The following PER3 variants were observed in gnomAD, a reference collection of about 807,000 sequenced individuals.
PER3 encodes period circadian regulator 3, also known as period circadian protein homolog 3.
PER3 carries 107 observed loss-of-function variants against 127.2 expected under a neutral mutation model. That is an observed-to-expected ratio of 0.84 (90% CI 0.72 to 0.99). The LOEUF is 0.99. Ranked by LOEUF, PER3 falls within the 50% of genes least tolerant of loss-of-function variation. The probability of loss-of-function intolerance (pLI) is 0.00; values close to 1 mark genes in which losing one functional copy is unlikely to be tolerated. For synonymous variants in PER3, 618 were observed against 585.8 expected (o/e 1.05, Z -0.79); for missense variants, 1,560 against 1,525.8 (o/e 1.02, Z -0.37).
intron 3 of PER3, among the ~76,000 whole-genome samples, chr1:7,785,893 A>G (rs944171669): frequency 5.3e-5 from 8 of 152,226 alleles, no homozygotes; most frequent in African/African-American, 1.9e-4. Context: ...ATTGTCTTCT[A>G]TGGAAGTTAT....
intron 13 of PER3, among the ~76,000 whole-genome samples, chr1:7,812,973 G>C (rs1451622104): frequency 2.0e-5 from 3 of 152,178 alleles, no homozygotes; most frequent in African/African-American, 4.8e-5. Context: ...CCAATGAAAA[G>C]GAAAATGCTT....
chr1:7,801,355 T>G (rs2097170015), intron 8 of PER3, among the ~76,000 whole-genome samples, 164 bp downstream of exon 8: 1 of 152,272 alleles, frequency 6.6e-6, no homozygotes, highest in Non-Finnish European at 1.5e-5. Context: ...AAATTTTTAA[T>G]ATAAATATTT....
intron 6 of PER3, among the ~76,000 whole-genome samples, chr1:7,796,862 G>T (rs1362547903): frequency 6.6e-6 from 1 of 152,136 alleles, no homozygotes; most frequent in Non-Finnish European, 1.5e-5. Context: ...TTTATTAATG[G>T]GTTATATTTG....
chr1:7,806,810 A>ATATATATATATATATAT (rs60458932), intron 10 of PER3, among the ~76,000 whole-genome samples: 11 of 75,246 alleles, frequency 1.5e-4, no homozygotes, highest in African/African-American at 3.1e-4. Flanking sequence ...AAAAAAAAAA[A>ATATATATATATATATAT]AAATATATAT....
intron 16 of PER3, among the ~76,000 whole-genome samples, chr1:7,824,625 A>G (rs1041018948): frequency 1.3e-5 from 2 of 152,188 alleles, no homozygotes; most frequent in African/African-American, 2.4e-5. Context: ...TTGTATTCCT[A>G]TAAATATTCT....
chr1:7,797,200 A>G (rs201849774), intron 6 of PER3, among the ~76,000 whole-genome samples: 2 of 32,766 alleles, frequency 6.1e-5, no homozygotes, highest in Non-Finnish European at 9.6e-5. Flanking sequence ...GTGAGCATGG[A>G]TGTGAGCATG....
chr1:7,812,837 A>G (rs1018649045), intron 13 of PER3, among the ~76,000 whole-genome samples: 7 of 152,154 alleles, frequency 4.6e-5, no homozygotes, highest in African/African-American at 9.7e-5. Flanking sequence ...TCTTGATTTT[A>G]TTAACATTTG....
chr1:7,803,226 A>G (rs1001128925), intron 9 of PER3, 73 bp downstream of exon 9: 65 of 913,914 alleles, frequency 7.1e-5, no homozygotes, highest in Non-Finnish European at 1.2e-4. Context: ...TTTTCATCTC[A>G]TTAGAGCGCA....
chr1:7,825,042 C>A (rs939760209), intron 16 of PER3, among the ~76,000 whole-genome samples: 3 of 144,944 alleles, frequency 2.1e-5, no homozygotes, highest in African/African-American at 7.6e-5. Context: ...TATATTTTGG[C>A]TTTTTTTTTT....
At chr1:7,805,511 C>T (rs1051282075) in intron 10 of PER3, among the ~76,000 whole-genome samples, 3 of 152,066 alleles carry the variant, frequency 2.0e-5, no homozygotes, top group South Asian at 2.1e-4. Flanking sequence ...GAAATGGGCT[C>T]CTGGCCGCCC....
rs1021327356 is a variant in PER3 at position 7,811,100 on chromosome 1, T to C, written c.1522+512T>C. ...TGGATCAGTAGTAAAACTGGCATCA[T>C]ATTGAAAAGTTAACCTAGTTGCATT... is the stretch of plus-strand genomic sequence containing the variant. On this transcript the variant is annotated intron_variant, in intron 13 of 21. Transcript: ENST00000377532. Among the ~76,000 whole-genome samples, 64 of 152,226 alleles carry C rather than the reference T, an allele frequency of 4.2e-4. 1 individual carries two copies. Among genetic ancestry groups the C allele is most frequent in the Non-Finnish European group, 6.0e-4 (41 of 68,036 alleles).
chr1:7,842,499 CAAA>C (rs373923215), intron 21 of PER3, 170 bp from the exon 22 acceptor site: 1 of 352,332 alleles, frequency 2.8e-6, no homozygotes, highest in Non-Finnish European at 3.9e-6. Context: ...GACTCTGTCT[CAAA>C]AAAAAAAATA....
At chr1:7,797,789 A>G (rs2097152651) in intron 6 of PER3, among the ~76,000 whole-genome samples, 1 of 152,094 alleles carries the variant, frequency 6.6e-6, no homozygotes, top group African/African-American at 2.4e-5. Context: ...GGGGAGTGTG[A>G]ATTCAGTCTT....
rs1558500742 is a variant in PER3, at chr1:7,845,109, T to A, written c.*2354T>A. On this transcript the variant is annotated 3_prime_UTR_variant, in exon 22 of 22. Transcript: ENST00000377532. ...TAACTCTGAATTTGTTTTTAATCAT[T>A]AGTAATATTTCAGTTGGGTATCTTT... The A allele has an allele frequency of 6.6e-6, 1 of 152,402 alleles. No individual in the cohort carries two copies. Among genetic ancestry groups the A allele is most frequent in the Admixed American group, 6.5e-5 (1 of 15,294 alleles). The allele number at this position is 152,402 out of a possible 1,614,324, so 9.4% of individuals were successfully genotyped here.
chr1:7,785,903 TG>T (rs1421482020), intron 3 of PER3, among the ~76,000 whole-genome samples: 1 of 152,184 alleles, frequency 6.6e-6, no homozygotes, highest in Non-Finnish European at 1.5e-5. Flanking sequence ...ATGGAAGTTA[TG>T]GGAAAAAAAT....
At chr1:7,797,364 G>A (rs1162364982) in intron 6 of PER3, among the ~76,000 whole-genome samples, 1 of 152,232 alleles carries the variant, frequency 6.6e-6, no homozygotes. Flanking sequence ...GCTGGGCGCA[G>A]TGGCTCACGC....
At chr1:7,810,999 A>T (rs903208876) in intron 13 of PER3, among the ~76,000 whole-genome samples, 5 of 152,220 alleles carry the variant, frequency 3.3e-5, no homozygotes, top group African/African-American at 4.8e-5. Context: ...ACCTAAATTC[A>T]GTGAAAAACT....
chr1:7,813,968 G>T (rs1480476211), intron 13 of PER3, among the ~76,000 whole-genome samples: 1 of 152,192 alleles, frequency 6.6e-6, no homozygotes, highest in Non-Finnish European at 1.5e-5. Context: ...GCAGGACCGG[G>T]TGGGTAATCA....
chr1:7,826,968 TTTG>T lies in PER3; in HGVS notation c.2189-147_2189-145del. On this transcript the variant is annotated intron_variant, in intron 17 of 21. Transcript: ENST00000377532. This position sits in a 1 kb window ranked among gnomAD's most constrained non-coding sequence, Gnocchi z 4.2. The stretch of plus-strand genomic sequence containing the variant: ...GATAGCAACTATTTTTATCCGGAAT[TTTG>T]TTCATCTTTTTAGAGCCACTTTTTG... 1 of 655,938 alleles carries T rather than the reference TTTG, an allele frequency of 1.5e-6. No homozygotes were observed. Among genetic ancestry groups the T allele is most frequent in the South Asian group, 2.1e-5 (1 of 48,382 alleles). 40.6% of individuals were successfully genotyped at this position (655,938 alleles called of 1,614,324 possible). A position where few individuals can be genotyped will look rare whatever the true frequency, so the allele number is the denominator to read the frequency against.
Sources: gnomAD v4.1 joint callset for allele counts (sites outside exome capture counted in the v4.1 genomes callset) on GRCh38, gnomAD v4.1.1 for gene constraint, Gnocchi (gnomAD v3.1) non-coding constraint, MANE v1.5 for transcripts, NCBI Gene and HGNC (gene_info 2026-07-23, HGNC 2026-07-21) for gene names.